The following CTBP2 variants were observed in gnomAD, a reference collection of about 807,000 sequenced individuals.
The protein encoded by CTBP2 is C-terminal binding protein 2.
CTBP2 carries 30 observed loss-of-function variants against 80.3 expected under a neutral mutation model. The observed-to-expected ratio is 0.37, with a 90% confidence interval of 0.28 to 0.51. CTBP2 has a LOEUF of 0.51. Among genes scored for constraint, CTBP2 ranks in the 20% least tolerant of loss-of-function variants. The pLI is 0.93. For missense variants in CTBP2, 1,212 were observed against 1,375.3 expected (o/e 0.88, Z 1.88); for synonymous variants, 594 against 587.4 (o/e 1.01, Z -0.16).
In CTBP2 at chr10:125,091,964, A is replaced by C. The variant is rs180824817; in HGVS notation, c.-102+19026T>G. ...TCAACATTTGATATTGAAGCTTTTC[A>C]TTTTAAGACAAGCATTCTACTTATT... On this transcript the variant is annotated intron_variant, in intron 2 of 10. Coordinates refer to the CTBP2 transcript ENST00000337195. Among the ~76,000 whole-genome samples the C allele has an allele frequency of 3.9e-3, 594 of 152,246 alleles. 2 individuals carry two copies. The highest frequency in any genetic ancestry group is 8.5e-3 in the South Asian group (41 of 4,828).
chr10:124,991,971 C>T (rs554148664), intron 8 of CTBP2, among the ~76,000 whole-genome samples: 11 of 151,218 alleles, frequency 7.3e-5, no homozygotes, highest in Non-Finnish European at 1.3e-4. Context: ...TGTGAGGGCT[C>T]CTGTCTTTCC....
At chr10:125,043,284 T>C (rs530780025) in intron 2 of CTBP2, among the ~76,000 whole-genome samples, 2 of 152,300 alleles carry the variant, frequency 1.3e-5, no homozygotes, top group East Asian at 3.9e-4. Context: ...TCAAGCACAG[T>C]CTAAAATCTG....
chr10:125,071,712 A>G (rs942241360), intron 2 of CTBP2, among the ~76,000 whole-genome samples: 2 of 152,178 alleles, frequency 1.3e-5, no homozygotes, highest in African/African-American at 4.8e-5. Flanking sequence ...GAAAGACAGT[A>G]ACTCTCTAAA....
intron 3 of CTBP2, among the ~76,000 whole-genome samples, chr10:125,036,384 G>A (rs1377182750): frequency 1.3e-5 from 2 of 152,010 alleles, no homozygotes; most frequent in Admixed American, 6.6e-5. Flanking sequence ...GGGAGGGGAC[G>A]AATTTTAAGG....
Position 124,993,990 on chromosome 10 carries a change from G to A in CTBP2, c.2401-5C>T, listed in dbSNP as rs753621834. On this transcript the variant is annotated splice_polypyrimidine_tract_variant and splice_region_variant and intron_variant, in intron 5 of 8. Transcript: ENST00000309035. ...AAGGAATGCTCCCTGCCTCATCTGT[G>A]GAAGGAAAGAAAAGCCGGTTACAGG... is the stretch of plus-strand genomic sequence containing the variant. The A allele has an allele frequency of 9.3e-6, 15 of 1,613,734 alleles. No homozygotes were observed. Among genetic ancestry groups the A allele is most frequent in the Non-Finnish European group, 9.3e-6 (11 of 1,179,916 alleles).
At chr10:125,072,649 A>AAAAAAAAAAAAAAAAC (rs1845683419) in intron 2 of CTBP2, among the ~76,000 whole-genome samples, 1 of 150,436 alleles carries the variant, frequency 6.6e-6, no homozygotes. Flanking sequence ...AAAAAAAAAA[A>AAAAAAAAAAAAAAAAC]AAAAAAAAGG....
At position 124,992,830 on chromosome 10, in the gene CTBP2, A is replaced by ATT. The variant is rs767576398; in HGVS notation, c.2660-19_2660-18insAA. On this transcript the variant is annotated intron_variant, in intron 7 of 8. Coordinates refer to ENST00000309035, the MANE Select transcript of CTBP2 (RefSeq NM_022802.3). ...GATGCGACCTAGGGTAAGATGATTA[A>ATT]AATTAATCATATTATTTTTACAAAT... 1 of 1,558,222 alleles carries ATT rather than the reference A, an allele frequency of 6.4e-7. No individual in the cohort carries two copies. The highest frequency in any genetic ancestry group is 1.1e-5 in the South Asian group (1 of 87,584).
rs547837921 is a variant in CTBP2, at chr10:125,144,234, G to A, written c.-206+16085C>T. On this transcript the variant is annotated intron_variant, in intron 1 of 10. Coordinates refer to the CTBP2 transcript ENST00000337195. ...TTCTCCTGCTTCCCTTCTGGCCTTC[G>A]AATTTGCACCCACCCGCTCATCCCT... 4.0e-4 allele frequency among the ~76,000 whole-genome samples: 61 copies of A among 152,238 alleles called. 1 individual carries two copies. Among genetic ancestry groups the A allele is most frequent in the African/African-American group, 1.3e-3 (56 of 41,524 alleles).
Position 124,993,209 on chromosome 10 carries a change from G to A in CTBP2, c.2652C>T (p.Ala884=). The A allele has an allele frequency of 6.3e-7, 1 of 1,597,454 alleles. No homozygotes were observed. The highest frequency in any genetic ancestry group is 8.6e-7 in the Non-Finnish European group (1 of 1,167,686). The change falls in exon 7 of 9, where the codon GCC becomes GCT. Residue 884 remains alanine (A), a synonymous_variant. Coordinates refer to ENST00000309035, the MANE Select transcript of CTBP2 (RefSeq NM_022802.3). ...AGGCACGGAGGGGCTCACCTGTGATGGCTCGGCGGATCTCGGTGGCAGCTG... is the reference window on the plus strand; with the variant it reads ...AGGCACGGAGGGGCTCACCTGTGATAGCTCGGCGGATCTCGGTGGCAGCTG...
chr10:125,091,876 A>G (rs1171337921), intron 2 of CTBP2, among the ~76,000 whole-genome samples: 1 of 152,168 alleles, frequency 6.6e-6, no homozygotes, highest in Non-Finnish European at 1.5e-5. Flanking sequence ...AAAGATAATC[A>G]CTATGAACTG....
rs777620342 is a variant in CTBP2 at position 125,027,628 on chromosome 10, G to A, written c.132C>T (p.Gly44=). Residue 44 remains glycine, a synonymous_variant, in exon 1 of 9, where the codon GGC becomes GGT. Coordinates refer to ENST00000309035, the MANE Select transcript of CTBP2 (RefSeq NM_022802.3). ...GCTCAAACCAAGTCCCCTCTGCTGT[G>A]CCATACGTCAGGGAGCTTCTCCTCC... The A allele has an allele frequency of 1.1e-5, 17 of 1,613,940 alleles. No homozygotes were observed. Among genetic ancestry groups the A allele is most frequent in the Non-Finnish European group, 8.5e-7 (1 of 1,180,028 alleles).
rs1430173735 is a variant in CTBP2, at chr10:124,988,785, G to C, written c.*733C>G. The stretch of plus-strand genomic sequence containing the variant: ...AAGGAAATGCAACATTATTCTTCTT[G>C]AACCCTTTTAGCTCAAGACTTTCCA... On this transcript the variant is annotated 3_prime_UTR_variant, in exon 9 of 9. Coordinates refer to ENST00000309035, the MANE Select transcript of CTBP2 (RefSeq NM_022802.3). 1.3e-5 allele frequency: 2 copies of C among 152,482 alleles called. No individual in the cohort carries two copies. The highest frequency in any genetic ancestry group is 2.9e-5 in the Non-Finnish European group (2 of 68,034). 9.4% of individuals were successfully genotyped at this position (152,482 alleles called of 1,614,324 possible). A position where few individuals can be genotyped will look rare whatever the true frequency, so the allele number is the denominator to read the frequency against.
chr10:125,152,871 G>A (rs549235364), intron 1 of CTBP2, among the ~76,000 whole-genome samples: 2 of 152,298 alleles, frequency 1.3e-5, no homozygotes, highest in Admixed American at 1.3e-4. Flanking sequence ...TCCAGAGTGC[G>A]GACCACAGCT....
intron 8 of CTBP2, 43 bp downstream of exon 10, chr10:124,992,652 C>T (rs755501222): frequency 1.8e-5 from 26 of 1,466,528 alleles, no homozygotes; most frequent in African/African-American, 1.3e-4. Context: ...GCCCCGGGGC[C>T]GTGGTGCTCA....
At chr10:125,147,697 T>C (rs1346407010) in intron 1 of CTBP2, among the ~76,000 whole-genome samples, 1 of 152,060 alleles carries the variant, frequency 6.6e-6, no homozygotes, top group African/African-American at 2.4e-5. Flanking sequence ...CAGGAGTTCA[T>C]GAGCAGTCCG....
intron 1 of CTBP2, among the ~76,000 whole-genome samples, chr10:125,143,227 C>T (rs753860322): frequency 1.3e-5 from 2 of 152,190 alleles, no homozygotes; most frequent in Non-Finnish European, 2.9e-5. Flanking sequence ...TTGGCTCACA[C>T]CTGTAATCCC....
chr10:125,020,828 T>C (rs1439843170), intron 1 of CTBP2, among the ~76,000 whole-genome samples: 1 of 152,054 alleles, frequency 6.6e-6, no homozygotes, highest in Non-Finnish European at 1.5e-5. Context: ...CACCCACCAG[T>C]GTGGAGGGGG....
Position 125,027,454 on chromosome 10 carries a change from G to C in CTBP2, c.306C>G (p.Arg102=). 1 of 1,614,174 alleles carries C rather than the reference G, an allele frequency of 6.2e-7. No homozygotes were observed. The highest frequency in any genetic ancestry group is 8.5e-7 in the Non-Finnish European group (1 of 1,180,024). ...AGTACTCCCGTGGCAGCAGGGGGCT[G>C]CGACCAGACATCACTGCCTGTCTGC... Residue 102 remains arginine (R), a synonymous_variant, in exon 1 of 9, where the codon CGC becomes CGG. Coordinates refer to ENST00000309035, the MANE Select transcript of CTBP2 (RefSeq NM_022802.3).
At chr10:125,092,828 A>T (rs968970600) in intron 2 of CTBP2, among the ~76,000 whole-genome samples, 1 of 151,332 alleles carries the variant, frequency 6.6e-6, no homozygotes, top group African/African-American at 2.5e-5. Flanking sequence ...CAACATGCCC[A>T]GTTACCACAT....
Sources: gnomAD v4.1 joint callset for allele counts (sites outside exome capture counted in the v4.1 genomes callset) on GRCh38, gnomAD v4.1.1 for gene constraint, MANE v1.5 for transcripts, NCBI Gene and HGNC (gene_info 2026-07-23, HGNC 2026-07-21) for gene names.